GRIK4: variants seen among roughly 807,000 people sequenced by gnomAD.
The protein encoded by GRIK4 is glutamate receptor ionotropic, kainate 4.
A neutral mutation model predicts 104.9 loss-of-function variants in GRIK4; 40 were observed. That is an observed-to-expected ratio of 0.38 (90% CI 0.30 to 0.50). GRIK4 has a LOEUF of 0.50. GRIK4 is among the 20% of genes least tolerant of loss of function. GRIK4 has a pLI of 0.93. For missense variants in GRIK4, 1,047 were observed against 1,308.1 expected (o/e 0.80, Z 3.08); for synonymous variants, 485 against 524.9 (o/e 0.92, Z 1.04).
At chr11:120,591,323 C>T (rs201813590) in intron 1 of GRIK4, among the ~76,000 whole-genome samples, 2 of 151,516 alleles carry the variant, frequency 1.3e-5, no homozygotes, top group Non-Finnish European at 3.0e-5. Flanking sequence ...CCCTGCCTCC[C>T]AAGCCTGTAT....
intron 3 of GRIK4, among the ~76,000 whole-genome samples, chr11:120,676,403 C>T (rs4268524): frequency 0.16 from 23,659 of 152,138 alleles, 1,986 homozygotes; most frequent in South Asian, 0.23. Flanking sequence ...CAAGCCTAGG[C>T]AATTTGTAAA....
At chr11:120,875,572 G>A (rs746964710) in intron 11 of GRIK4, among the ~76,000 whole-genome samples, 27 of 152,178 alleles carry the variant, frequency 1.8e-4, no homozygotes, top group Non-Finnish European at 3.5e-4. Flanking sequence ...TTAGACTCCA[G>A]GGAGCCTGCT....
At chr11:120,842,264 T>C (rs1036185100) in intron 8 of GRIK4, among the ~76,000 whole-genome samples, 1 of 152,220 alleles carries the variant, frequency 6.6e-6, no homozygotes, top group African/African-American at 2.4e-5. Flanking sequence ...CCCAGTCTTC[T>C]TCTAGTTTAT....
intron 3 of GRIK4, among the ~76,000 whole-genome samples, chr11:120,702,078 C>A (rs1364062211): frequency 6.6e-6 from 1 of 151,700 alleles, no homozygotes; most frequent in Admixed American, 6.6e-5. Flanking sequence ...GCCTCAGCCA[C>A]CCGAGTAGCT....
intron 1 of GRIK4, among the ~76,000 whole-genome samples, chr11:120,517,766 G>A (rs1457572236): frequency 2.6e-5 from 4 of 152,156 alleles, no homozygotes; most frequent in Admixed American, 1.3e-4. Context: ...GCCCCCAGGA[G>A]GGAGTGGGAA....
intron 3 of GRIK4, among the ~76,000 whole-genome samples, chr11:120,713,289 G>A (rs1358167697): frequency 1.3e-5 from 2 of 152,058 alleles, no homozygotes; most frequent in African/African-American, 2.4e-5. Flanking sequence ...GTTTGGATTC[G>A]GCCACCTGAC....
At chr11:120,794,710 A>G (rs1482665186) in intron 3 of GRIK4, among the ~76,000 whole-genome samples, 1 of 152,030 alleles carries the variant, frequency 6.6e-6, no homozygotes, top group South Asian at 2.1e-4. Context: ...ATTGTGAGAA[A>G]AGGAATTTTG....
chr11:120,757,832 C>T (rs1259495166), intron 3 of GRIK4, among the ~76,000 whole-genome samples: 1 of 152,142 alleles, frequency 6.6e-6, no homozygotes, highest in African/African-American at 2.4e-5. Flanking sequence ...CCGTTCCCAC[C>T]CCGCACAGGG....
At chr11:120,635,959 G>A (rs566083745) in intron 1 of GRIK4, among the ~76,000 whole-genome samples, 4 of 152,256 alleles carry the variant, frequency 2.6e-5, no homozygotes, top group Non-Finnish European at 4.4e-5. Context: ...CAAGGCATCC[G>A]CTATCCTGAC....
chr11:120,846,082 T>G (rs147540183), intron 8 of GRIK4, among the ~76,000 whole-genome samples: 38 of 152,344 alleles, frequency 2.5e-4, no homozygotes, highest in African/African-American at 8.2e-4. Context: ...ACATGGTTGT[T>G]GGAAGATGGA....
intron 1 of GRIK4, among the ~76,000 whole-genome samples, chr11:120,578,772 C>T (rs1948522938): frequency 6.6e-6 from 1 of 152,228 alleles, no homozygotes; most frequent in Non-Finnish European, 1.5e-5. Flanking sequence ...AACGCCCCGC[C>T]CGGCCCCTGG....
intron 3 of GRIK4, among the ~76,000 whole-genome samples, chr11:120,785,462 C>T (rs185996801): frequency 1.1e-3 from 170 of 152,322 alleles, no homozygotes; most frequent in Non-Finnish European, 2.8e-4. Context: ...TGGCCGTATA[C>T]ATAGGGCACT....
intron 3 of GRIK4, among the ~76,000 whole-genome samples, chr11:120,733,251 G>T (rs1037196412): frequency 6.6e-6 from 1 of 152,108 alleles, no homozygotes. Flanking sequence ...AGATTATGTG[G>T]TCTTGTTATT....
At chr11:120,770,295 A>G (rs10502242) in intron 3 of GRIK4, among the ~76,000 whole-genome samples, 7,634 of 152,330 alleles carry the variant, frequency 0.05, 366 homozygotes, top group African/African-American at 0.12. Flanking sequence ...CTTAACTCCC[A>G]GCATCTGTTT....
chr11:120,985,163 T>C (rs1944719752), intron 20 of GRIK4, among the ~76,000 whole-genome samples: 1 of 152,114 alleles, frequency 6.6e-6, no homozygotes, highest in African/African-American at 2.4e-5. Context: ...TTCTGACACC[T>C]AAAAAGCTTG....
At chr11:120,583,150 T>G (rs752919831) in intron 1 of GRIK4, among the ~76,000 whole-genome samples, 1 of 152,258 alleles carries the variant, frequency 6.6e-6, no homozygotes, top group Non-Finnish European at 1.5e-5. Context: ...ATATATGTCT[T>G]CTTTTGAAAA....
At chr11:120,659,162 G>C (rs1442431880) in intron 2 of GRIK4, among the ~76,000 whole-genome samples, 2 of 152,068 alleles carry the variant, frequency 1.3e-5, no homozygotes, top group East Asian at 3.9e-4. Flanking sequence ...GCAGAATCTG[G>C]GTCTCAGTGG....
chr11:120,650,014 G>A (rs56665725), intron 1 of GRIK4, among the ~76,000 whole-genome samples: 1 of 152,186 alleles, frequency 6.6e-6, no homozygotes, highest in Non-Finnish European at 1.5e-5. Flanking sequence ...GGTGGCCTCA[G>A]ATAAATGTCA....
intron 3 of GRIK4, among the ~76,000 whole-genome samples, chr11:120,680,650 T>C (rs1211546150): frequency 1.3e-5 from 2 of 152,196 alleles, no homozygotes; most frequent in Non-Finnish European, 1.5e-5. Context: ...TTTGTTTCAA[T>C]TGGGGCCACA....
Sources: allele counts gnomAD v4.1 joint callset (sites outside exome capture counted in the v4.1 genomes callset), GRCh38; gene constraint gnomAD v4.1.1; transcripts MANE v1.5; gene names NCBI Gene and HGNC (gene_info 2026-07-23, HGNC 2026-07-21).